The following FRMD6 variants were observed in gnomAD, a reference collection of about 807,000 sequenced individuals.
FRMD6 encodes FERM domain-containing protein 6.
A neutral mutation model predicts 73.2 loss-of-function variants in FRMD6; 37 were observed. That is an observed-to-expected ratio of 0.51 (90% CI 0.39 to 0.66). The LOEUF is 0.66. FRMD6 is among the 30% of genes least tolerant of loss of function. The probability of loss-of-function intolerance (pLI) is 0.00; values close to 1 mark genes in which losing one functional copy is unlikely to be tolerated. For synonymous variants in FRMD6, 273 were observed against 282.2 expected, an observed-to-expected ratio of 0.97 and a Z score of 0.33; for missense variants, 714 against 780.5, an observed-to-expected ratio of 0.91 and a Z score of 1.02.
chr14:51,456,675 A>G, the FRMD6 span, among the ~76,000 whole-genome samples: 4 of 151,178 alleles, frequency 2.6e-5, no homozygotes, highest in South Asian at 8.4e-4. Flanking sequence ...AACTGAAATC[A>G]GTATATTGAA....
chr14:51,676,945 CTT>C (rs1894431890), intron 1 of FRMD6, among the ~76,000 whole-genome samples: 2 of 151,904 alleles, frequency 1.3e-5, no homozygotes, highest in Non-Finnish European at 2.9e-5. Flanking sequence ...TTCTTTTTTT[CTT>C]TTTGAACCTG....
chr14:51,638,544 A>C (rs370187567), intron 2 of FRMD6, among the ~76,000 whole-genome samples: 1 of 152,134 alleles, frequency 6.6e-6, no homozygotes, highest in Non-Finnish European at 1.5e-5. Flanking sequence ...TCCCGCAATG[A>C]TAGGGACTGA....
At chr14:51,537,181 CT>C (rs1885947801) in intron 1 of FRMD6, among the ~76,000 whole-genome samples, 2 of 152,130 alleles carry the variant, frequency 1.3e-5, no homozygotes, top group Non-Finnish European at 2.9e-5. Context: ...TTTTCCTATT[CT>C]TCCTTTCTCT....
rs1895128620 is a variant in FRMD6, at chr14:51,686,064, A to T, written c.-146-3627A>T. 1.3e-5 allele frequency among the ~76,000 whole-genome samples: 2 copies of T among 152,174 alleles called. 1 individual carries two copies. Among genetic ancestry groups the T allele is most frequent in the Admixed American group, 1.3e-4 (2 of 15,254 alleles). On this transcript the variant is annotated intron_variant, in intron 1 of 13. Coordinates refer to ENST00000344768, the MANE Select transcript of FRMD6 (RefSeq NM_001267046.2). Reference sequence around the variant, plus strand: ...AATTACCAGCTTTTTACTTTTTAAGAGACAGTCCTAGAATTGAAAATCCTC... The same window carrying T: ...AATTACCAGCTTTTTACTTTTTAAGTGACAGTCCTAGAATTGAAAATCCTC...
chr14:51,586,213 T>A (rs4898702), intron 2 of FRMD6, among the ~76,000 whole-genome samples: 131,541 of 151,640 alleles, frequency 0.87, 57,475 homozygotes, highest in Non-Finnish European at 0.92. Context: ...ATGTATAATC[T>A]TTCCCTTTTC....
chr14:51,441,777 A>C, the FRMD6 span, among the ~76,000 whole-genome samples: 3 of 152,232 alleles, frequency 2.0e-5, no homozygotes, highest in African/African-American at 7.2e-5. Context: ...AGAACTATAG[A>C]ATTTCAGAAA....
chr14:51,536,923 G>A (rs1412443189), intron 1 of FRMD6, among the ~76,000 whole-genome samples: 1 of 152,144 alleles, frequency 6.6e-6, no homozygotes. Context: ...GGAAGGTACA[G>A]AGATATCCTG....
At chr14:51,612,270 G>A (rs1890541556) in intron 2 of FRMD6, among the ~76,000 whole-genome samples, 1 of 152,160 alleles carries the variant, frequency 6.6e-6, no homozygotes, top group Non-Finnish European at 1.5e-5. Flanking sequence ...TGAGACTAGA[G>A]TAGCTAGTAA....
intron 1 of FRMD6, among the ~76,000 whole-genome samples, chr14:51,681,466 A>G (rs936866895): frequency 3.3e-5 from 5 of 152,202 alleles, no homozygotes; most frequent in African/African-American, 1.2e-4. Flanking sequence ...TAAACTTCAC[A>G]TGAATCTCAA....
the FRMD6 span, among the ~76,000 whole-genome samples, chr14:51,414,096 T>C: frequency 2.6e-5 from 4 of 151,982 alleles, no homozygotes; most frequent in South Asian, 8.3e-4. Context: ...TCTCCCATTC[T>C]GTAGGTTGCC....
At chr14:51,405,136 A>G in the FRMD6 span, among the ~76,000 whole-genome samples, 10 of 152,276 alleles carry the variant, frequency 6.6e-5, no homozygotes, top group African/African-American at 1.9e-4. Context: ...ATAGTATTCC[A>G]TGGTATATAT....
intron 1 of FRMD6, among the ~76,000 whole-genome samples, chr14:51,536,356 T>C (rs1885892209): frequency 6.6e-6 from 1 of 152,002 alleles, no homozygotes; most frequent in African/African-American, 2.4e-5. Flanking sequence ...GCCTCCCAAA[T>C]TGCCAGGATC....
At chr14:51,495,773 G>T (rs1296700559) in intron 1 of FRMD6, among the ~76,000 whole-genome samples, 1 of 152,194 alleles carries the variant, frequency 6.6e-6, no homozygotes, top group Non-Finnish European at 1.5e-5. Context: ...TAGAGGAAAT[G>T]CATGGGACAA....
chr14:51,456,880 A>G, the FRMD6 span, among the ~76,000 whole-genome samples: 1 of 152,250 alleles, frequency 6.6e-6, no homozygotes, highest in East Asian at 1.9e-4. Flanking sequence ...CATTAAGTAA[A>G]ATAAGCTAGG....
chr14:51,602,010 G>C lies in FRMD6; in HGVS notation c.-147+31600G>C, dbSNP rs142853731. ...CCAAAATCAACTTCCTAAATGAAGAGCTGGGTATCCAGCCACTCAAAAATG... is the reference window on the plus strand; with the variant it reads ...CCAAAATCAACTTCCTAAATGAAGACCTGGGTATCCAGCCACTCAAAAATG... On this transcript the variant is annotated intron_variant, in intron 2 of 14. Coordinates refer to the FRMD6 transcript ENST00000356218. 2.4e-3 allele frequency among the ~76,000 whole-genome samples: 358 copies of C among 152,278 alleles called. 5 individuals carry two copies. Among genetic ancestry groups the C allele is most frequent in the Admixed American group, 0.021 (317 of 15,308 alleles).
the FRMD6 span, among the ~76,000 whole-genome samples, chr14:51,476,385 A>G: frequency 1.3e-5 from 2 of 152,230 alleles, no homozygotes; most frequent in Non-Finnish European, 2.9e-5. Context: ...CAGTTGGAGC[A>G]GGAGAGACCC....
chr14:51,552,814 A>C (rs1886916007), intron 1 of FRMD6, among the ~76,000 whole-genome samples: 1 of 152,228 alleles, frequency 6.6e-6, no homozygotes, highest in Non-Finnish European at 1.5e-5. Context: ...AAAAGACCCC[A>C]GTTACTCAAA....
At chr14:51,405,481 T>C in the FRMD6 span, among the ~76,000 whole-genome samples, 13 of 152,184 alleles carry the variant, frequency 8.5e-5, no homozygotes, top group Non-Finnish European at 1.6e-4. Context: ...GCATCTGTTA[T>C]TTTCTGACTT....
upstream of FRMD6, among the ~76,000 whole-genome samples, chr14:51,486,194 C>T (rs1029216974): frequency 4.6e-5 from 7 of 151,956 alleles, no homozygotes; most frequent in African/African-American, 1.7e-4. Context: ...GCCACCATGC[C>T]CGGCTAATTT....
Sources: gnomAD v4.1 joint callset for allele counts (sites outside exome capture counted in the v4.1 genomes callset) on GRCh38, gnomAD v4.1.1 for gene constraint, MANE v1.5 for transcripts, NCBI Gene and HGNC (gene_info 2026-07-23, HGNC 2026-07-21) for gene names.